Variants in CRAMP1 observed in about 807,000 individuals in gnomAD.
CRAMP1 encodes the protein protein cramped-like.
In CRAMP1, 50 loss-of-function variants were observed where a neutral mutation model predicts 115.4. The observed-to-expected ratio is 0.43, with a 90% confidence interval of 0.35 to 0.55. The LOEUF (loss-of-function observed/expected upper bound fraction) is 0.55, where lower values mean the gene tolerates loss of function less well. CRAMP1 is among the 20% of genes least tolerant of loss of function. The probability of loss-of-function intolerance (pLI) is 0.01; values close to 1 mark genes in which losing one functional copy is unlikely to be tolerated. For missense variants in CRAMP1, 1,679 were observed against 1,721.7 expected (o/e 0.98, Z 0.44); for synonymous variants, 866 against 745.4 (o/e 1.16, Z -2.64).
chr16:1,667,947 C>T lies in CRAMP1; in HGVS notation c.3103-15C>T. On this transcript the variant is annotated splice_polypyrimidine_tract_variant and intron_variant, in intron 17 of 20. Transcript: ENST00000397412. ...TAGACCTGGTTGTGTCTGAAAAATA[C>T]CTGTCTCCCAGCAGGGCTCATCTGT... 1 of 1,539,950 alleles carries T rather than the reference C, an allele frequency of 6.5e-7. No homozygotes were observed. The highest frequency in any genetic ancestry group is 8.9e-7 in the Non-Finnish European group (1 of 1,124,294).
chr16:1,614,403 G>A lies in CRAMP1; in HGVS notation c.-1-236G>A, dbSNP rs954254957. Among the ~76,000 whole-genome samples the A allele has an allele frequency of 6.9e-6, 1 of 144,282 alleles. No homozygotes were observed. The highest frequency in any genetic ancestry group is 1.5e-5 in the Non-Finnish European group (1 of 64,990). 94.7% of individuals were successfully genotyped at this position (144,282 alleles called of 152,430 possible). On this transcript the variant is annotated intron_variant, in intron 1 of 20. Transcript: ENST00000397412. This position sits in a 1 kb window ranked among gnomAD's most constrained non-coding sequence, Gnocchi z 4.4. ...CCCGGGCGTCTGGACGCGAGCCTCG[G>A]CCAGGGGGCGTCCGGGGAGGCCCGG...
rs1442936685 is a variant in CRAMP1 at position 1,655,813 on chromosome 16, T to C, written c.1120-64T>C. 8 of 1,543,770 alleles carry C rather than the reference T, an allele frequency of 5.2e-6. No individual in the cohort carries two copies. In the East Asian group the frequency reaches 1.8e-4, roughly 35 times the overall value. On this transcript the variant is annotated intron_variant, in intron 9 of 20. Transcript: ENST00000397412. ...GGAGCGTGGCTCGTGTCTGTACCCA[T>C]GTGCCTGGTCAGCATCCCGACCTCA...
At chr16:1,641,275 A>G in intron 6 of CRAMP1, 88 bp downstream of exon 6, 1 of 974,972 alleles carries the variant, frequency 1.0e-6, no homozygotes, top group Non-Finnish European at 1.7e-6. Context: ...GCTCTCAGTG[A>G]GGACCTTCCG....
At chr16:1,654,881 C>A (rs1204880465) in intron 8 of CRAMP1, among the ~76,000 whole-genome samples, 2 of 152,256 alleles carry the variant, frequency 1.3e-5, no homozygotes, top group African/African-American at 2.4e-5. Flanking sequence ...CTGTCCAGGC[C>A]CGCCCGCCCT....
chr16:1,667,306 G>T, intron 16 of CRAMP1, 29 bp from the exon 17 acceptor site: 1 of 1,606,158 alleles, frequency 6.2e-7, no homozygotes, highest in Non-Finnish European at 8.5e-7. Flanking sequence ...TGCACCCTGC[G>T]GCTGCTCATG....
intron 13 of CRAMP1, 50 bp from the exon 14 acceptor site, chr16:1,665,007 T>C (rs2036862009): frequency 2.3e-6 from 3 of 1,288,146 alleles, no homozygotes; most frequent in Non-Finnish European, 3.4e-6. Flanking sequence ...GGGAGTGATT[T>C]TTTGGTATGG....
At chr16:1,673,513 T>A (rs1054202253) in intron 20 of CRAMP1, among the ~76,000 whole-genome samples, 2 of 145,928 alleles carry the variant, frequency 1.4e-5, no homozygotes, top group African/African-American at 2.8e-5. Context: ...TTCCCGGCAC[T>A]CTCTGTCCCC....
intron 6 of CRAMP1, among the ~76,000 whole-genome samples, chr16:1,642,191 C>G (rs559977743): frequency 2.0e-5 from 3 of 152,356 alleles, no homozygotes; most frequent in East Asian, 1.9e-4. Flanking sequence ...TTACCCATCT[C>G]TCTTCCGTCC....
At position 1,645,487 on chromosome 16, in the gene CRAMP1, C is replaced by T. The variant is rs551595886; in HGVS notation, c.827+4300C>T. Reference sequence around the variant, plus strand: ...ACAGGTATAATTAACACTTTGCATTCGCGTGGTCCTTTTATCACAACTCAT... The same window carrying T: ...ACAGGTATAATTAACACTTTGCATTTGCGTGGTCCTTTTATCACAACTCAT... On this transcript the variant is annotated intron_variant, in intron 6 of 20. Coordinates refer to ENST00000397412, the MANE Select transcript of CRAMP1 (RefSeq NM_020825.4). 1.5e-4 allele frequency: 24 copies of T among 162,108 alleles called. No homozygotes were observed. The South Asian group carries it at 2.3e-3, about 16-fold the overall frequency. The allele number at this position is 162,108 out of a possible 1,614,324, so 10.0% of individuals were successfully genotyped here.
At position 1,614,840 on chromosome 16, in the gene CRAMP1, G is replaced by A; in HGVS notation, c.201G>A (p.Gln67=). Residue 67 remains glutamine (Q), a synonymous_variant, in exon 2 of 21, where the codon CAG becomes CAA. Coordinates refer to ENST00000397412, the MANE Select transcript of CRAMP1 (RefSeq NM_020825.4). The surrounding 1 kb of genome is among the most constrained non-coding windows in gnomAD (Gnocchi z 4.4). ...DGPPAPPGAP[Q]APSPPQGSPQ... ...CCCCCGCGCCCCCCGGCGCGCCGCA[G>A]GCGCCGTCCCCGCCGCAGGGCAGCC... 7.8e-7 allele frequency: 1 copy of A among 1,279,828 alleles called. No homozygotes were observed. The highest frequency in any genetic ancestry group is 9.8e-7 in the Non-Finnish European group (1 of 1,017,718). The allele number at this position is 1,279,828 out of a possible 1,614,324, so 79.3% of individuals were successfully genotyped here.
intron 10 of CRAMP1, among the ~76,000 whole-genome samples, chr16:1,657,672 G>C (rs1048524616): frequency 6.6e-6 from 1 of 152,158 alleles, no homozygotes. Flanking sequence ...CCTGAGCCTA[G>C]GGAAGGGTCC....
chr16:1,618,964 A>G (rs1288292976), intron 2 of CRAMP1, among the ~76,000 whole-genome samples: 5 of 152,250 alleles, frequency 3.3e-5, no homozygotes, highest in Non-Finnish European at 5.9e-5. Context: ...TACTTTTGGT[A>G]TTAAAACTAG....
chr16:1,641,905 G>C (rs1004204158), intron 6 of CRAMP1, among the ~76,000 whole-genome samples: 1 of 151,784 alleles, frequency 6.6e-6, no homozygotes, highest in African/African-American at 2.4e-5. Context: ...GGAGCCTGGG[G>C]GGGGGTCCCC....
At chr16:1,640,583 C>G (rs551460739) in intron 5 of CRAMP1, among the ~76,000 whole-genome samples, 106 of 152,344 alleles carry the variant, frequency 7.0e-4, no homozygotes, top group African/African-American at 2.4e-3. Flanking sequence ...TCTTGCACAT[C>G]TTGAAGATAG....
intron 8 of CRAMP1, among the ~76,000 whole-genome samples, chr16:1,653,845 A>C (rs1318740786): frequency 1.4e-5 from 2 of 139,576 alleles, no homozygotes; most frequent in Admixed American, 7.3e-5. Context: ...AAACAAACAA[A>C]AAAGAAATTG....
At chr16:1,667,641 G>T (rs1191817411) in intron 17 of CRAMP1, among the ~76,000 whole-genome samples, 1 of 145,908 alleles carries the variant, frequency 6.9e-6, no homozygotes, top group Non-Finnish European at 1.5e-5. Flanking sequence ...AGCTCTGGAA[G>T]AACTTAGCGC....
intron 2 of CRAMP1, 77 bp from the exon 3 acceptor site, chr16:1,625,896 C>T: frequency 7.1e-7 from 1 of 1,406,628 alleles, no homozygotes; most frequent in Non-Finnish European, 9.7e-7. Flanking sequence ...GTGGGCCCTT[C>T]CCTCCCACCG....
rs762895124 is a variant in CRAMP1 at position 1,662,691 on chromosome 16, C to T, written c.2595+20C>T. On this transcript the variant is annotated intron_variant, in intron 12 of 20. Transcript: ENST00000397412. Reference sequence around the variant, plus strand: ...ATCAGTGTGAGTGTGTGGGGCCGGGCCGCCCGCGTGCGAGCGTCCCCGTGG... The same window carrying T: ...ATCAGTGTGAGTGTGTGGGGCCGGGTCGCCCGCGTGCGAGCGTCCCCGTGG... The T allele has an allele frequency of 9.9e-6, 16 of 1,613,624 alleles. No homozygotes were observed. The Admixed American group carries it at 1.3e-4, about 13-fold the overall frequency.
At chr16:1,654,337 G>A (rs1469686430) in intron 8 of CRAMP1, among the ~76,000 whole-genome samples, 6 of 151,110 alleles carry the variant, frequency 4.0e-5, no homozygotes, top group African/African-American at 1.5e-4. Context: ...TCAGCCTCCC[G>A]AGCAGCTGGG....
Sources: allele counts gnomAD v4.1 joint callset (sites outside exome capture counted in the v4.1 genomes callset), GRCh38; gene constraint gnomAD v4.1.1; non-coding constraint Gnocchi (gnomAD v3.1); transcripts MANE v1.5; gene names NCBI Gene and HGNC (gene_info 2026-07-23, HGNC 2026-07-21).